RGP1: variants seen among roughly 807,000 people sequenced by gnomAD.
The protein encoded by RGP1 is RAB6A-GEF complex partner protein 2.
In RGP1, 28 loss-of-function variants were observed where a neutral mutation model predicts 44.5. The ratio of observed to expected loss-of-function variants is 0.63; its 90% CI spans 0.47 to 0.86. RGP1 has a LOEUF of 0.86. Ranked by LOEUF, RGP1 falls within the 40% of genes least tolerant of loss-of-function variation. The probability of loss-of-function intolerance (pLI) is 0.00; values close to 1 mark genes in which losing one functional copy is unlikely to be tolerated. For synonymous variants in RGP1, 212 were observed against 196.7 expected (o/e 1.08, Z -0.65); for missense variants, 417 against 490.7 (o/e 0.85, Z 1.42).
downstream of RGP1, among the ~76,000 whole-genome samples, chr9:35,760,162 G>T (rs1483605548): frequency 2.0e-5 from 3 of 151,472 alleles, no homozygotes; most frequent in South Asian, 4.2e-4. Context: ...AGATTTCTGG[G>T]GTCTCAAAAG....
chr9:35,776,017 G>GA, the RGP1 span, among the ~76,000 whole-genome samples: 8 of 152,170 alleles, frequency 5.3e-5, no homozygotes, highest in Admixed American at 2.6e-4. Context: ...AGATTTGAAA[G>GA]AAAAAAACAG....
At chr9:35,768,993 C>G in the RGP1 span, among the ~76,000 whole-genome samples, 3 of 152,216 alleles carry the variant, frequency 2.0e-5, no homozygotes, top group African/African-American at 7.2e-5. Flanking sequence ...TCAGCTCACC[C>G]ACCACTTTCG....
chr9:35,753,529 T>C lies in RGP1; in HGVS notation c.*655T>C. On this transcript the variant is annotated 3_prime_UTR_variant, in exon 9 of 9. Coordinates refer to ENST00000378078, the MANE Select transcript of RGP1 (RefSeq NM_001080496.3). This position sits in a 1 kb window ranked among gnomAD's most constrained non-coding sequence, Gnocchi z 4.2. ...GCCTTATCTTTCACACTAGTGTTGG[T>C]CCCTTCAGGTTTGGCCCATCTTGTA... 1.2e-6 allele frequency: 1 copy of C among 831,008 alleles called. No individual in the cohort carries two copies. Among genetic ancestry groups the C allele is most frequent in the Non-Finnish European group, 1.9e-6 (1 of 518,782 alleles). The allele number at this position is 831,008 out of a possible 1,614,324, so 51.5% of individuals were successfully genotyped here.
chr9:35,775,044 G>C, the RGP1 span, among the ~76,000 whole-genome samples: 1 of 152,152 alleles, frequency 6.6e-6, no homozygotes, highest in Non-Finnish European at 1.5e-5. Flanking sequence ...AGGGAAATCA[G>C]TTCTGTCTCT....
Position 35,752,011 on chromosome 9 carries a change from G to C in RGP1, c.818G>C (p.Arg273Pro). Residue 273 changes from arginine to proline, a missense_variant, in exon 8 of 9, where the codon CGT (arginine) becomes CCT (proline). Transcript: ENST00000378078. ...ERVQPEYQRR[R>P]GAGGVPSVSH... Reference sequence around the variant, plus strand: ...GTACAGCCTGAGTACCAGCGGCGACGTGGGGCAGGGGGTGTCCCCTCTGTG... The same window carrying C: ...GTACAGCCTGAGTACCAGCGGCGACCTGGGGCAGGGGGTGTCCCCTCTGTG... 6.2e-7 allele frequency: 1 copy of C among 1,605,788 alleles called. No individual in the cohort carries two copies. The highest frequency in any genetic ancestry group is 8.5e-7 in the Non-Finnish European group (1 of 1,175,952).
Position 35,753,922 on chromosome 9 carries a change from C to T in RGP1, c.*1048C>T. On this transcript the variant is annotated 3_prime_UTR_variant, in exon 9 of 9. Transcript: ENST00000378078. This position sits in a 1 kb window ranked among gnomAD's most constrained non-coding sequence, Gnocchi z 4.2. ...TGGAGGAAGCCTGGGTATTTTGACA[C>T]GGGATCATCTGTAAGGCCCCATCCT... is the stretch of plus-strand genomic sequence containing the variant. 10 of 1,561,030 alleles carry T rather than the reference C, an allele frequency of 6.4e-6. No individual in the cohort carries two copies. The highest frequency in any genetic ancestry group is 4.5e-5 in the East Asian group (2 of 44,356).
At chr9:35,789,105 C>A in the RGP1 span, among the ~76,000 whole-genome samples, 2 of 143,914 alleles carry the variant, frequency 1.4e-5, no homozygotes, top group Non-Finnish European at 3.0e-5. Context: ...GCAATGTCCG[C>A]CTCCCAGATT....
the RGP1 span, among the ~76,000 whole-genome samples, chr9:35,785,505 A>G: frequency 6.6e-6 from 1 of 151,718 alleles, no homozygotes; most frequent in Non-Finnish European, 1.5e-5. Context: ...TGTGAAAAAC[A>G]TAGCCTCCAA....
chr9:35,767,818 G>A, the RGP1 span, among the ~76,000 whole-genome samples: 15 of 152,240 alleles, frequency 9.9e-5, no homozygotes, highest in Non-Finnish European at 1.8e-4. Context: ...GACATTTGTT[G>A]TTGTTGTTGT....
downstream of RGP1, among the ~76,000 whole-genome samples, chr9:35,761,670 T>A (rs926396096): frequency 6.6e-6 from 1 of 151,860 alleles, no homozygotes; most frequent in Non-Finnish European, 1.5e-5. Context: ...CAAGACCCTG[T>A]CTCAAACAAA....
Position 35,754,445 on chromosome 9 carries a change from G to A in RGP1, c.*1571G>A. 1 of 215,320 alleles carries A rather than the reference G, an allele frequency of 4.6e-6. No homozygotes were observed. Among genetic ancestry groups the A allele is most frequent in the Non-Finnish European group, 9.2e-6 (1 of 109,182 alleles). 13.3% of individuals were successfully genotyped at this position (215,320 alleles called of 1,614,324 possible). A position where few individuals can be genotyped will look rare whatever the true frequency, so the allele number is the denominator to read the frequency against. On this transcript the variant is annotated 3_prime_UTR_variant, in exon 9 of 9. Coordinates refer to ENST00000378078, the MANE Select transcript of RGP1 (RefSeq NM_001080496.3). ...GCCCCGGCACAGCTAGAGGGAGGGA[G>A]GTGGCCATGGAGGGGGCACTGGACT...
In RGP1 at chr9:35,754,226, G is replaced by A. The variant is rs1027228958; in HGVS notation, c.*1352G>A. On this transcript the variant is annotated 3_prime_UTR_variant, in exon 9 of 9. Transcript: ENST00000378078. ...GCTTTGCGTTGCTCCTTGAGTCTTA[G>A]TTTCTGTCTTTCTCCCCTGGGCTCC... 12 of 1,462,502 alleles carry A rather than the reference G, an allele frequency of 8.2e-6. No individual in the cohort carries two copies. The Admixed American group carries it at 1.7e-4, about 21-fold the overall frequency. 90.6% of individuals were successfully genotyped at this position (1,462,502 alleles called of 1,614,324 possible). A position where few individuals can be genotyped will look rare whatever the true frequency, so the allele number is the denominator to read the frequency against.
chr9:35,754,135 C>T lies in RGP1; in HGVS notation c.*1261C>T, dbSNP rs1206337013. 3 of 1,610,570 alleles carry T rather than the reference C, an allele frequency of 1.9e-6. No individual in the cohort carries two copies. Among genetic ancestry groups the T allele is most frequent in the Admixed American group, 1.7e-5 (1 of 59,582 alleles). ...CAGAGCATCCTTAGGGCCATTGCTG[C>T]TGCACAGCCCTCTCAGACCCTTCTT... On this transcript the variant is annotated 3_prime_UTR_variant, in exon 9 of 9. Coordinates refer to ENST00000378078, the MANE Select transcript of RGP1 (RefSeq NM_001080496.3).
chr9:35,787,179 A>C, the RGP1 span, among the ~76,000 whole-genome samples: 1 of 152,072 alleles, frequency 6.6e-6, no homozygotes, highest in African/African-American at 2.4e-5. Flanking sequence ...GATGTATATG[A>C]ATTCAAAGTA....
the RGP1 span, among the ~76,000 whole-genome samples, chr9:35,787,612 G>A: frequency 1.3e-5 from 2 of 152,206 alleles, no homozygotes; most frequent in African/African-American, 4.8e-5. Flanking sequence ...GCACTGCTGC[G>A]TGGCTGGGAG....
chr9:35,762,604 T>C (rs1035187894), downstream of RGP1, among the ~76,000 whole-genome samples: 13 of 152,234 alleles, frequency 8.5e-5, no homozygotes, highest in Non-Finnish European at 1.3e-4. Context: ...CTGTCAATTT[T>C]ACCCCCTCAA....
chr9:35,763,900 A>AAAAG, the RGP1 span, among the ~76,000 whole-genome samples: 2 of 148,500 alleles, frequency 1.3e-5, no homozygotes, highest in Non-Finnish European at 3.0e-5. Context: ...AAAAAAAAAA[A>AAAAG]GAAAAGAGAA....
the RGP1 span, among the ~76,000 whole-genome samples, chr9:35,765,918 T>G: frequency 6.7e-6 from 1 of 150,000 alleles, no homozygotes; most frequent in Non-Finnish European, 1.5e-5. Flanking sequence ...CACTGCAAAC[T>G]CCACCTCCTG....
At chr9:35,761,179 G>T (rs1827413230), downstream of RGP1, among the ~76,000 whole-genome samples, 1 of 152,198 alleles carries the variant, frequency 6.6e-6, no homozygotes, top group Non-Finnish European at 1.5e-5. Context: ...ACATTTCCCT[G>T]GGAGTTGGTT....
Sources: gnomAD v4.1 joint callset for allele counts (sites outside exome capture counted in the v4.1 genomes callset) on GRCh38, gnomAD v4.1.1 for gene constraint, Gnocchi (gnomAD v3.1) non-coding constraint, MANE v1.5 for transcripts, NCBI Gene and HGNC (gene_info 2026-07-23, HGNC 2026-07-21) for gene names.